ZNF148: variants seen among roughly 807,000 people sequenced by gnomAD.
The protein encoded by ZNF148 is zinc finger protein 148.
ZNF148 carries 7 observed loss-of-function variants against 67.7 expected under a neutral mutation model. The observed-to-expected ratio is 0.10, with a 90% CI of 0.06 to 0.19. The LOEUF is 0.19. Among genes scored for constraint, ZNF148 ranks in the 10% least tolerant of loss-of-function variants. The pLI is 1.00. For missense variants in ZNF148, 583 were observed against 947.1 expected (o/e 0.62, Z 5.05); for synonymous variants, 333 against 330.7 (o/e 1.01, Z -0.08).
At chr3:125,307,230 GAAT>G (rs1488754749) in intron 4 of ZNF148, among the ~76,000 whole-genome samples, 3 of 151,988 alleles carry the variant, frequency 2.0e-5, no homozygotes, top group African/African-American at 7.2e-5. Flanking sequence ...CATATTAAGA[GAAT>G]AATGACAGGA....
rs543351478 is a variant in ZNF148, at chr3:125,242,737, G to A, written c.668-8408C>T. On this transcript the variant is annotated intron_variant, in intron 7 of 8. Coordinates refer to ENST00000360647, the MANE Select transcript of ZNF148 (RefSeq NM_021964.3). Reference sequence around the variant, plus strand: ...GGACAAAACTTTTGTTTTTTCAGATGGCTATCCAGTTTCCCCAACACCATT... The same window carrying A: ...GGACAAAACTTTTGTTTTTTCAGATAGCTATCCAGTTTCCCCAACACCATT... Among the ~76,000 whole-genome samples, 48 of 152,134 alleles carry A rather than the reference G, an allele frequency of 3.2e-4. 1 individual carries two copies. The highest frequency in any genetic ancestry group is 4.4e-4 in the Non-Finnish European group (30 of 68,008).
chr3:125,321,086 T>C (rs1940751016), intron 3 of ZNF148, among the ~76,000 whole-genome samples: 1 of 152,178 alleles, frequency 6.6e-6, no homozygotes, highest in African/African-American at 2.4e-5. Flanking sequence ...TCATCTCTTA[T>C]TAATAAAACA....
intron 7 of ZNF148, among the ~76,000 whole-genome samples, chr3:125,247,928 AT>A (rs1207824085): frequency 6.6e-6 from 1 of 152,172 alleles, no homozygotes; most frequent in Non-Finnish European, 1.5e-5. Flanking sequence ...CAAAAAAACC[AT>A]TGTCCTAATT....
In ZNF148 at chr3:125,232,546, C is replaced by G. The variant is rs1217163484; in HGVS notation, c.2180G>C (p.Ser727Thr). The G allele has an allele frequency of 6.2e-7, 1 of 1,613,614 alleles. No homozygotes were observed. The highest frequency in any genetic ancestry group is 8.5e-7 in the Non-Finnish European group (1 of 1,179,778). The part of the protein sequence containing the change: ...AQPVHQAYQM[S>T]SFEQPFRAPY... ...AGCACGGAAGGGCTGTTCAAAGGAG[C>G]TCATTTGGTAAGCTTGGTGGACAGG... Residue 727 changes from serine (S) to threonine (T), a missense_variant, in exon 9 of 9, where the codon AGC becomes ACC. This residue lies in a region of ZNF148 where 158 missense variants were observed against 208.4 expected (regional missense o/e 0.76). Transcript: ENST00000360647. This position sits in a 1 kb window ranked among gnomAD's most constrained non-coding sequence, Gnocchi z 4.2.
At chr3:125,373,862 A>T (rs1942971773) in intron 1 of ZNF148, among the ~76,000 whole-genome samples, 1 of 152,222 alleles carries the variant, frequency 6.6e-6, no homozygotes, top group Admixed American at 6.5e-5. Flanking sequence ...AAGAAGAGCC[A>T]GCAAGCATGT....
chr3:125,313,777 A>G, intron 3 of ZNF148, 121 bp from the exon 4 acceptor site: 1 of 768,964 alleles, frequency 1.3e-6, no homozygotes, highest in Non-Finnish European at 2.0e-6. Context: ...TGTACTTTGG[A>G]ACTGCCTCCA....
At chr3:125,369,287 G>A (rs1298313797) in intron 1 of ZNF148, among the ~76,000 whole-genome samples, 301 of 22,184 alleles carry the variant, frequency 0.014, 1 homozygote, top group African/African-American at 0.022. Flanking sequence ...AAAAAAAAAA[G>A]CCATAGAAGC....
intron 1 of ZNF148, among the ~76,000 whole-genome samples, chr3:125,348,180 G>A (rs1018055251): frequency 6.6e-6 from 1 of 152,008 alleles, no homozygotes; most frequent in Non-Finnish European, 1.5e-5. Context: ...GATTGCTTGA[G>A]CCTGGGAGAT....
At chr3:125,354,984 T>C (rs1213385308) in intron 1 of ZNF148, among the ~76,000 whole-genome samples, 3 of 152,180 alleles carry the variant, frequency 2.0e-5, no homozygotes, top group Non-Finnish European at 4.4e-5. Context: ...CAGCAATGAT[T>C]TAAACTAAGA....
chr3:125,374,201 CA>C (rs1942984625), intron 1 of ZNF148, among the ~76,000 whole-genome samples: 1 of 152,120 alleles, frequency 6.6e-6, no homozygotes, highest in Non-Finnish European at 1.5e-5. Context: ...TCAGTGACCC[CA>C]ACCACGGCCC....
chr3:125,260,102 G>A (rs897073948), intron 7 of ZNF148, among the ~76,000 whole-genome samples: 6 of 152,148 alleles, frequency 3.9e-5, no homozygotes, highest in African/African-American at 1.2e-4. Context: ...TTATGTGGGT[G>A]CAGTTTGTGG....
intron 3 of ZNF148, among the ~76,000 whole-genome samples, chr3:125,321,358 C>T (rs1181153084): frequency 1.3e-5 from 2 of 151,896 alleles, no homozygotes; most frequent in Non-Finnish European, 2.9e-5. Flanking sequence ...AAAACTTACA[C>T]GTTAACAATA....
At chr3:125,344,361 T>G (rs746843774) in intron 1 of ZNF148, 40 of 604,136 alleles carry the variant, frequency 6.6e-5, no homozygotes, top group Non-Finnish European at 1.1e-4. Context: ...TTCCAAAAGA[T>G]GGAAATCCAC....
At position 125,285,319 on chromosome 3, in the gene ZNF148, A is replaced by G. The variant is rs548553604; in HGVS notation, c.459+2784T>C. Reference sequence around the variant, plus strand: ...TAAGTTTCTCTTTCTCTTCATACCAAAGAGCAGAATGAATTATTTTAACAG... The same window carrying G: ...TAAGTTTCTCTTTCTCTTCATACCAGAGAGCAGAATGAATTATTTTAACAG... On this transcript the variant is annotated intron_variant, in intron 5 of 8. Transcript: ENST00000360647. Among the ~76,000 whole-genome samples the G allele has an allele frequency of 2.0e-5, 3 of 152,302 alleles. No individual in the cohort carries two copies. In the East Asian group the frequency reaches 5.8e-4, roughly 29 times the overall value.
At chr3:125,357,688 T>C (rs1468566878) in intron 1 of ZNF148, 1 of 152,304 alleles carries the variant, frequency 6.6e-6, no homozygotes, top group East Asian at 1.9e-4. Flanking sequence ...ACTTCCAAGT[T>C]TCTTTAATAA....
intron 7 of ZNF148, among the ~76,000 whole-genome samples, chr3:125,243,547 G>T (rs993841412): frequency 2.0e-5 from 3 of 152,032 alleles, no homozygotes; most frequent in African/African-American, 7.2e-5. Flanking sequence ...GAAGAGCAGG[G>T]TCTCACTCTG....
At chr3:125,286,005 TAAG>T (rs1938637010) in intron 5 of ZNF148, among the ~76,000 whole-genome samples, 2 of 151,970 alleles carry the variant, frequency 1.3e-5, no homozygotes, top group Non-Finnish European at 2.9e-5. Flanking sequence ...CAACACCCAA[TAAG>T]AAGATAATCT....
rs535390995 is a variant in ZNF148 at position 125,354,889 on chromosome 3, A to G, written c.-234+20213T>C. On this transcript the variant is annotated intron_variant, in intron 1 of 8. Transcript: ENST00000360647. Reference sequence around the variant, plus strand: ...AAAGTAACTAATTCACTGAAAGACAATATTTCTCACAATGCGATTATTTAA... The same window carrying G: ...AAAGTAACTAATTCACTGAAAGACAGTATTTCTCACAATGCGATTATTTAA... 2.6e-5 allele frequency among the ~76,000 whole-genome samples: 4 copies of G among 152,374 alleles called. No homozygotes were observed. In the South Asian group the frequency reaches 8.3e-4, roughly 32 times the overall value.
rs141026840 is a variant in ZNF148 at position 125,226,947 on chromosome 3, T to C, written c.*5394A>G. The C allele has an allele frequency of 6.6e-6, 1 of 152,278 alleles. No individual in the cohort carries two copies. The highest frequency in any genetic ancestry group is 2.4e-5 in the African/African-American group (1 of 41,542). 9.4% of individuals were successfully genotyped at this position (152,278 alleles called of 1,614,324 possible). A position where few individuals can be genotyped will look rare whatever the true frequency, so the allele number is the denominator to read the frequency against. ...ACTGTCACCTGAGTAGATTTTAAAATTTAGTGCTCCTATTTTTTGGGGGAG... is the reference window on the plus strand; with the variant it reads ...ACTGTCACCTGAGTAGATTTTAAAACTTAGTGCTCCTATTTTTTGGGGGAG... On this transcript the variant is annotated 3_prime_UTR_variant, in exon 9 of 9. Coordinates refer to ENST00000360647, the MANE Select transcript of ZNF148 (RefSeq NM_021964.3).
Sources: gnomAD v4.1 joint callset for allele counts (sites outside exome capture counted in the v4.1 genomes callset) on GRCh38, gnomAD v4.1.1 for gene constraint, gnomAD v4.1.1 regional missense constraint, Gnocchi (gnomAD v3.1) non-coding constraint, MANE v1.5 for transcripts, NCBI Gene and HGNC (gene_info 2026-07-23, HGNC 2026-07-21) for gene names.